Variants in UNC5B observed in about 807,000 individuals in gnomAD.
The protein encoded by UNC5B is netrin receptor UNC5B.
In UNC5B, 56 loss-of-function variants were observed where a neutral mutation model predicts 103.7. That is an observed-to-expected ratio of 0.54 (90% CI 0.44 to 0.67). The LOEUF is 0.67. Ranked by LOEUF, UNC5B falls within the 30% of genes least tolerant of loss-of-function variation. The pLI, the probability that UNC5B is intolerant of heterozygous loss-of-function variation, is 0.00. For missense variants in UNC5B, 1,194 were observed against 1,284.5 expected, an observed-to-expected ratio of 0.93 and a Z score of 1.08; for synonymous variants, 577 against 542.0, an observed-to-expected ratio of 1.06 and a Z score of -0.90.
chr10:71,295,495 A>G (rs765191446), intron 13 of UNC5B, among the ~76,000 whole-genome samples: 4 of 151,914 alleles, frequency 2.6e-5, no homozygotes, highest in African/African-American at 4.8e-5. Context: ...TCATATACCC[A>G]TCCTTGTATA....
chr10:71,216,124 A>G (rs1843324897), intron 1 of UNC5B, among the ~76,000 whole-genome samples: 1 of 152,110 alleles, frequency 6.6e-6, no homozygotes, highest in African/African-American at 2.4e-5. Context: ...GGACAGGCCA[A>G]CTTGCCCAAG....
intron 1 of UNC5B, among the ~76,000 whole-genome samples, chr10:71,218,993 C>A (rs1172295259): frequency 6.6e-6 from 1 of 152,146 alleles, no homozygotes; most frequent in South Asian, 2.1e-4. Flanking sequence ...GTCACAGAAG[C>A]GCTTACCTGC....
At chr10:71,268,135 G>A (rs4747143) in intron 1 of UNC5B, among the ~76,000 whole-genome samples, 123,274 of 152,184 alleles carry the variant, frequency 0.81, 50,333 homozygotes, top group Non-Finnish European at 0.86. Flanking sequence ...CCACATTCAG[G>A]AAAATCCAAG....
chr10:71,256,553 G>C (rs10999751), intron 1 of UNC5B, among the ~76,000 whole-genome samples: 3 of 152,200 alleles, frequency 2.0e-5, no homozygotes, highest in Non-Finnish European at 4.4e-5. Flanking sequence ...GAGGCCAGAG[G>C]CAGAGGCGCT....
At chr10:71,276,418 G>T (rs935076228) in intron 1 of UNC5B, among the ~76,000 whole-genome samples, 6 of 152,186 alleles carry the variant, frequency 3.9e-5, no homozygotes, top group Non-Finnish European at 7.3e-5. Context: ...GCCCAAGCCA[G>T]GGCCAAGGAG....
Position 71,239,315 on chromosome 10 carries a change from G to A in UNC5B, c.79+26251G>A, listed in dbSNP as rs184881341. ...ATAAAGGAACATTAACAGAGGTGAC[G>A]CCCCACCCCCAGGAGAACCTCGTTA... On this transcript the variant is annotated intron_variant, in intron 1 of 16. Coordinates refer to ENST00000335350, the MANE Select transcript of UNC5B (RefSeq NM_170744.5). 2.5e-3 allele frequency among the ~76,000 whole-genome samples: 381 copies of A among 152,214 alleles called. 12 individuals are homozygous for A. The highest frequency in any genetic ancestry group is 0.025 in the Admixed American group (376 of 15,290).
chr10:71,252,706 A>G (rs1274124612), intron 1 of UNC5B, among the ~76,000 whole-genome samples: 1 of 152,144 alleles, frequency 6.6e-6, no homozygotes, highest in Non-Finnish European at 1.5e-5. Flanking sequence ...AGGTGAAGTG[A>G]TTTGCCCAAG....
chr10:71,279,167 G>A (rs1216228253), intron 1 of UNC5B, among the ~76,000 whole-genome samples: 1 of 152,228 alleles, frequency 6.6e-6, no homozygotes, highest in Admixed American at 6.5e-5. Context: ...GGATGGGTGA[G>A]AGCCACAGAC....
At chr10:71,286,172 G>A (rs1431411833) in intron 4 of UNC5B, among the ~76,000 whole-genome samples, 1 of 152,252 alleles carries the variant, frequency 6.6e-6, no homozygotes. Flanking sequence ...AGCAGGGCTG[G>A]GAGGGGCCCA....
In UNC5B at chr10:71,293,523, C is replaced by G. The variant is rs147710785; in HGVS notation, c.1891C>G (p.Arg631Gly). The G allele has an allele frequency of 2.1e-5, 34 of 1,613,976 alleles. No homozygotes were observed. Among genetic ancestry groups the G allele is most frequent in the South Asian group, 5.5e-5 (5 of 91,090 alleles). ...TMPHCAEVSARDWIFQLKTQA... is the reference protein window; with the variant it reads ...TMPHCAEVSAGDWIFQLKTQA... ...GCCCCACTGTGCCGAAGTCAGTGCC[C>G]GTGACTGGATCTTTCAGCTCAAGAC... is the stretch of plus-strand genomic sequence containing the variant. The change falls in exon 12 of 17, where the codon CGT (arginine) becomes GGT (glycine). Residue 631 changes from arginine (R) to glycine (G), a missense_variant. Transcript: ENST00000335350.
intron 1 of UNC5B, among the ~76,000 whole-genome samples, chr10:71,261,247 G>A (rs1844411385): frequency 6.6e-6 from 1 of 152,214 alleles, no homozygotes; most frequent in Non-Finnish European, 1.5e-5. Context: ...GATGGGGAGG[G>A]GGTGGAATAT....
chr10:71,293,974 A>G, intron 13 of UNC5B, 41 bp downstream of exon 13: 1 of 1,515,238 alleles, frequency 6.6e-7, no homozygotes, highest in Non-Finnish European at 8.8e-7. Flanking sequence ...CTGGCCGGCC[A>G]GCTGCATGAT....
chr10:71,213,296 C>G lies in UNC5B; in HGVS notation c.79+232C>G, dbSNP rs1843264663. ...GTAAGCTGAAAGGTCCCTGCTCGCT[C>G]CTGAAAGGGATCCCTTCTTCTCCCT... On this transcript the variant is annotated intron_variant, in intron 1 of 16. Transcript: ENST00000335350. This position sits in a 1 kb window ranked among gnomAD's most constrained non-coding sequence, Gnocchi z 4.1. Among the ~76,000 whole-genome samples, 1 of 152,104 alleles carries G rather than the reference C, an allele frequency of 6.6e-6. No homozygotes were observed. Among genetic ancestry groups the G allele is most frequent in the Admixed American group, 6.5e-5 (1 of 15,288 alleles).
Position 71,298,059 on chromosome 10 carries a change from C to A in UNC5B, c.2641C>A (p.Arg881=), listed in dbSNP as rs138249629. ...CCCCAACTCACGGGGCAATGACTGG[C>A]GGATGTTAGCACAGAAGCTCTCTAT... ...DAPNSRGNDW[R]MLAQKLSMDR... is the part of the protein sequence containing the mutation. Residue 881 remains arginine, a synonymous_variant, in exon 16 of 17, where the codon CGG becomes AGG. Coordinates refer to ENST00000335350, the MANE Select transcript of UNC5B (RefSeq NM_170744.5). 2 of 1,612,484 alleles carry A rather than the reference C, an allele frequency of 1.2e-6. No individual in the cohort carries two copies. Among genetic ancestry groups the A allele is most frequent in the East Asian group, 2.2e-5 (1 of 44,814 alleles).
chr10:71,282,624 T>C (rs4424593), intron 2 of UNC5B, among the ~76,000 whole-genome samples: 141,121 of 152,194 alleles, frequency 0.93, 65,463 homozygotes, highest in Middle Eastern at 0.98. Flanking sequence ...AGCCAGCCTG[T>C]GGGCAGCCAT....
At position 71,290,933 on chromosome 10, in the gene UNC5B, A is replaced by T; in HGVS notation, c.1118A>T (p.Asp373Val). The T allele has an allele frequency of 6.2e-7, 1 of 1,612,894 alleles. No individual in the cohort carries two copies. The highest frequency in any genetic ancestry group is 8.5e-7 in the Non-Finnish European group (1 of 1,179,872). ...CCCGCAGTGCTGGAGGCCTCAGGGG[A>T]TGCGGCGCTGTATGCGGGGCTCGTG... is the stretch of plus-strand genomic sequence containing the variant. ...PNSHLLEASGDAALYAGLVVA... is the reference protein window; with the variant it reads ...PNSHLLEASGVAALYAGLVVA... Residue 373 changes from aspartate (D) to valine (V), a missense_variant, in exon 9 of 17, where the codon GAT becomes GTT. Asp to Val is a radical substitution (Grantham distance 152, BLOSUM62 -3). Transcript: ENST00000335350.
At chr10:71,232,035 CTGAAT>C (rs1335464549) in intron 1 of UNC5B, among the ~76,000 whole-genome samples, 1 of 152,218 alleles carries the variant, frequency 6.6e-6, no homozygotes, top group Non-Finnish European at 1.5e-5. Context: ...ACACAGCAAA[CTGAAT>C]TCTCAAATGG....
At chr10:71,226,236 G>A (rs548756300) in intron 1 of UNC5B, among the ~76,000 whole-genome samples, 9 of 152,038 alleles carry the variant, frequency 5.9e-5, no homozygotes, top group Admixed American at 2.0e-4. Flanking sequence ...CACCACACTC[G>A]GCTAATTTTT....
rs145578164 is a variant in UNC5B, at chr10:71,293,510, C to T, written c.1878C>T (p.Ala626=). 34 of 1,613,918 alleles carry T rather than the reference C, an allele frequency of 2.1e-5. No homozygotes were observed. The highest frequency in any genetic ancestry group is 1.6e-4 in the Middle Eastern group (1 of 6,084). The change falls in exon 12 of 17, where the codon GCC becomes GCT. Residue 626 remains alanine, a synonymous_variant. Coordinates refer to ENST00000335350, the MANE Select transcript of UNC5B (RefSeq NM_170744.5). ...TCATCCTCACCATGCCCCACTGTGC[C>T]GAAGTCAGTGCCCGTGACTGGATCT... is the stretch of plus-strand genomic sequence containing the variant. ...RPVILTMPHC[A]EVSARDWIFQ... is the part of the protein sequence containing the mutation.
Sources: gnomAD v4.1 joint callset for allele counts (sites outside exome capture counted in the v4.1 genomes callset) on GRCh38, gnomAD v4.1.1 for gene constraint, Gnocchi (gnomAD v3.1) non-coding constraint, MANE v1.5 for transcripts, NCBI Gene and HGNC (gene_info 2026-07-23, HGNC 2026-07-21) for gene names.